Variants in UBE2E2 observed in about 807,000 individuals in gnomAD.
UBE2E2 encodes the protein ubiquitin-conjugating enzyme E2 E2.
In UBE2E2, 6 loss-of-function variants were observed where a neutral mutation model predicts 24.7. The observed-to-expected ratio is 0.24, with a 90% CI of 0.13 to 0.48. The LOEUF (loss-of-function observed/expected upper bound fraction) is 0.48, where lower values mean the gene tolerates loss of function less well. Ranked by LOEUF, UBE2E2 falls within the 20% of genes least tolerant of loss-of-function variation. The probability of loss-of-function intolerance (pLI) is 0.99; values close to 1 mark genes in which losing one functional copy is unlikely to be tolerated. For synonymous variants in UBE2E2, 104 were observed against 83.6 expected, an observed-to-expected ratio of 1.24 and a Z score of -1.33; for missense variants, 169 against 245.0, an observed-to-expected ratio of 0.69 and a Z score of 2.07.
At chr3:23,408,714 A>G (rs987447770) in intron 3 of UBE2E2, among the ~76,000 whole-genome samples, 17 of 152,180 alleles carry the variant, frequency 1.1e-4, no homozygotes, top group African/African-American at 4.1e-4. Context: ...CTCATAGGCT[A>G]TCCATAAGTG....
intron 3 of UBE2E2, among the ~76,000 whole-genome samples, chr3:23,347,374 T>C (rs535087854): frequency 6.6e-6 from 1 of 152,196 alleles, no homozygotes; most frequent in African/African-American, 2.4e-5. Context: ...TATGCAGCCA[T>C]AAAAAAGGAT....
intron 3 of UBE2E2, among the ~76,000 whole-genome samples, chr3:23,497,348 C>T (rs1040006345): frequency 6.6e-6 from 1 of 152,100 alleles, no homozygotes; most frequent in Admixed American, 6.5e-5. Flanking sequence ...TATGGCAATA[C>T]GCAATTTGCT....
chr3:23,208,777 T>G lies in UBE2E2; in HGVS notation c.78T>G (p.Ser26Arg), dbSNP rs757726179. The change falls in exon 2 of 6, where the codon AGT becomes AGG. Residue 26 changes from serine to arginine, a missense_variant. Ser to Arg is a moderately radical substitution (Grantham distance 110, BLOSUM62 -1). Coordinates refer to ENST00000396703, the MANE Select transcript of UBE2E2 (RefSeq NM_152653.4). ...GTTCCGATGGAGATCAACGTGAAAG[T>G]GTTCAGCAAGAACCAGAAAGAGAAC... ...GGSSDGDQRE[S>R]VQQEPEREQV... is the part of the protein sequence containing the mutation. 4 of 1,613,826 alleles carry G rather than the reference T, an allele frequency of 2.5e-6. No individual in the cohort carries two copies. In the South Asian group the frequency reaches 4.4e-5, roughly 18 times the overall value.
intron 5 of UBE2E2, among the ~76,000 whole-genome samples, chr3:23,571,198 C>G (rs1397276956): frequency 2.0e-5 from 3 of 151,046 alleles, no homozygotes; most frequent in Non-Finnish European, 4.4e-5. Context: ...AATAATGGCT[C>G]CAGAGCACCA....
intron 3 of UBE2E2, among the ~76,000 whole-genome samples, chr3:23,221,723 A>G (rs1466139461): frequency 7.9e-5 from 12 of 151,478 alleles, no homozygotes; most frequent in Admixed American, 4.6e-4. Context: ...TGCAAGCTCC[A>G]CCTCCTGGAT....
intron 3 of UBE2E2, among the ~76,000 whole-genome samples, chr3:23,282,735 G>A (rs962765276): frequency 9.9e-5 from 15 of 151,982 alleles, no homozygotes; most frequent in African/African-American, 3.1e-4. Context: ...TGTCAAAACC[G>A]GAGAATATGA....
At chr3:23,549,460 C>T (rs2125497615) in intron 5 of UBE2E2, among the ~76,000 whole-genome samples, 1 of 152,256 alleles carries the variant, frequency 6.6e-6, no homozygotes, top group East Asian at 1.9e-4. Flanking sequence ...GTCAAAGGAC[C>T]TAAGTTATAC....
intron 3 of UBE2E2, among the ~76,000 whole-genome samples, chr3:23,266,301 T>A (rs888726239): frequency 2.9e-4 from 44 of 152,138 alleles, no homozygotes; most frequent in African/African-American, 1.0e-3. Context: ...TTCCTTTCCA[T>A]GTTTAGCGCT....
intron 3 of UBE2E2, among the ~76,000 whole-genome samples, chr3:23,435,311 C>T (rs1391717785): frequency 4.6e-5 from 7 of 152,150 alleles, no homozygotes; most frequent in Non-Finnish European, 1.5e-5. Flanking sequence ...AATACTTAAC[C>T]GTAACCTGCA....
At chr3:23,552,767 G>A (rs538576896) in intron 5 of UBE2E2, among the ~76,000 whole-genome samples, 1 of 152,260 alleles carries the variant, frequency 6.6e-6, no homozygotes, top group East Asian at 1.9e-4. Context: ...AGTACATTCT[G>A]AAATGCTATT....
chr3:23,438,845 G>A (rs1698237218), intron 3 of UBE2E2, among the ~76,000 whole-genome samples: 1 of 152,086 alleles, frequency 6.6e-6, no homozygotes, highest in South Asian at 2.1e-4. Context: ...GAATTACTGT[G>A]GGTTTATGAT....
At chr3:23,448,491 A>G (rs559787640) in intron 3 of UBE2E2, among the ~76,000 whole-genome samples, 3 of 152,224 alleles carry the variant, frequency 2.0e-5, no homozygotes, top group African/African-American at 7.2e-5. Context: ...TTTTTAATAC[A>G]TGACCTAATA....
intron 3 of UBE2E2, among the ~76,000 whole-genome samples, chr3:23,295,632 GC>G (rs1389126652): frequency 6.6e-6 from 1 of 152,184 alleles, no homozygotes; most frequent in African/African-American, 2.4e-5. Flanking sequence ...AATATCGGTG[GC>G]TAGTGGAAGT....
chr3:23,496,599 T>C (rs921571094), intron 3 of UBE2E2, among the ~76,000 whole-genome samples: 1 of 152,224 alleles, frequency 6.6e-6, no homozygotes, highest in Non-Finnish European at 1.5e-5. Flanking sequence ...GATTCATTCA[T>C]GTTAATCTGT....
At chr3:23,419,254 C>G (rs966514079) in intron 3 of UBE2E2, among the ~76,000 whole-genome samples, 1 of 152,126 alleles carries the variant, frequency 6.6e-6, no homozygotes, top group African/African-American at 2.4e-5. Context: ...CAGGTGTGAG[C>G]CACCATATCT....
chr3:23,436,803 T>C (rs1046628747), intron 3 of UBE2E2, among the ~76,000 whole-genome samples: 2 of 152,222 alleles, frequency 1.3e-5, no homozygotes, highest in African/African-American at 4.8e-5. Context: ...TGTCTCTCCA[T>C]TTGTATCTCC....
At chr3:23,263,131 A>G (rs1472373883) in intron 3 of UBE2E2, among the ~76,000 whole-genome samples, 1 of 152,200 alleles carries the variant, frequency 6.6e-6, no homozygotes, top group East Asian at 1.9e-4. Context: ...ATGAGGTGAT[A>G]CAGCAATACA....
chr3:23,316,500 C>T (rs562072568), intron 3 of UBE2E2, among the ~76,000 whole-genome samples: 20 of 152,066 alleles, frequency 1.3e-4, no homozygotes, highest in African/African-American at 4.8e-4. Context: ...GCAATTCCCC[C>T]CGTAGGGCAG....
At chr3:23,382,678 C>T (rs963012430) in intron 3 of UBE2E2, among the ~76,000 whole-genome samples, 1 of 152,180 alleles carries the variant, frequency 6.6e-6, no homozygotes, top group Admixed American at 6.5e-5. Flanking sequence ...TGAAAAATCA[C>T]AGCTTTGCTT....
Sources: gnomAD v4.1 joint callset for allele counts (sites outside exome capture counted in the v4.1 genomes callset) on GRCh38, gnomAD v4.1.1 for gene constraint, MANE v1.5 for transcripts, NCBI Gene and HGNC (gene_info 2026-07-23, HGNC 2026-07-21) for gene names.